Variants in LRBA observed in about 807,000 individuals in gnomAD.
LRBA encodes LPS responsive beige-like anchor protein.
A neutral mutation model predicts 330.0 loss-of-function variants in LRBA; 176 were observed. That is an observed-to-expected ratio of 0.53 (90% CI 0.47 to 0.60). The LOEUF (loss-of-function observed/expected upper bound fraction) is 0.60, where lower values mean the gene tolerates loss of function less well. LRBA is among the 20% of genes least tolerant of loss of function. The pLI, the probability that LRBA is intolerant of heterozygous loss-of-function variation, is 0.00. For missense variants in LRBA, 3,259 were observed against 3,444.8 expected (o/e 0.95, Z 1.35); for synonymous variants, 1,230 against 1,193.0 (o/e 1.03, Z -0.64).
At chr4:150,763,914 A>C (rs1460153092) in intron 34 of LRBA, among the ~76,000 whole-genome samples, 1 of 151,980 alleles carries the variant, frequency 6.6e-6, no homozygotes, top group Non-Finnish European at 1.5e-5. Context: ...AGTGATCAGC[A>C]AGAAGTACGA....
intron 2 of LRBA, among the ~76,000 whole-genome samples, chr4:150,985,309 A>G (rs1741323504): frequency 6.6e-6 from 1 of 151,600 alleles, no homozygotes; most frequent in East Asian, 1.9e-4. Flanking sequence ...ACAAAAGCTC[A>G]TGTTCCCTTC....
rs36089213 is a variant in LRBA at position 150,916,892 on chromosome 4, G to A, written c.646-154C>T. Among the ~76,000 whole-genome samples, 8,070 of 152,210 alleles carry A rather than the reference G, an allele frequency of 0.053. 308 individuals carry two copies. The highest frequency in any genetic ancestry group is 0.12 in the Middle Eastern group (35 of 294). ...TCTGAGGCCGGGCGCGGTGGCTCAC[G>A]CCTGTAATCCCAGCACTTTGGGAGG... is the stretch of plus-strand genomic sequence containing the variant. On this transcript the variant is annotated intron_variant, in intron 5 of 56. Transcript: ENST00000651943.
At chr4:150,488,520 C>T (rs1467014995) in intron 41 of LRBA, among the ~76,000 whole-genome samples, 1 of 151,498 alleles carries the variant, frequency 6.6e-6, no homozygotes, top group African/African-American at 2.4e-5. Context: ...CCAAGAAGTA[C>T]ATGTCAATAT....
chr4:150,496,584 A>G (rs983381559), intron 40 of LRBA, among the ~76,000 whole-genome samples: 1 of 152,068 alleles, frequency 6.6e-6, no homozygotes, highest in Admixed American at 6.5e-5. Flanking sequence ...ACCTCAAAAA[A>G]AAGAAATACT....
intron 42 of LRBA, among the ~76,000 whole-genome samples, chr4:150,482,487 C>T (rs939269011): frequency 1.3e-5 from 2 of 151,984 alleles, no homozygotes; most frequent in Admixed American, 6.6e-5. Flanking sequence ...AATATGGCTG[C>T]TATAAATATT....
chr4:150,738,998 T>G (rs543928331), intron 35 of LRBA, among the ~76,000 whole-genome samples: 1 of 152,268 alleles, frequency 6.6e-6, no homozygotes, highest in African/African-American at 2.4e-5. Context: ...TTAAGGCATA[T>G]GATGCTTGTA....
chr4:150,510,392 G>A (rs114043028), intron 40 of LRBA, among the ~76,000 whole-genome samples: 2,481 of 152,232 alleles, frequency 0.016, 74 homozygotes, highest in African/African-American at 0.055. Context: ...TTATCCAGAT[G>A]TCAAAACCAG....
At chr4:150,287,215 G>C (rs1344177522) in intron 53 of LRBA, among the ~76,000 whole-genome samples, 1 of 152,194 alleles carries the variant, frequency 6.6e-6, no homozygotes, top group Non-Finnish European at 1.5e-5. Context: ...CACCCACTCA[G>C]AGGAAGGAAG....
chr4:150,441,763 C>T (rs1392988456), intron 44 of LRBA, among the ~76,000 whole-genome samples: 1 of 149,784 alleles, frequency 6.7e-6, no homozygotes, highest in Non-Finnish European at 1.5e-5. Context: ...CTCAAAAGTC[C>T]TTCTCTGGGC....
intron 2 of LRBA, among the ~76,000 whole-genome samples, chr4:150,959,817 TATA>T (rs1167304414): frequency 6.9e-6 from 1 of 145,630 alleles, no homozygotes; most frequent in Non-Finnish European, 1.5e-5. Flanking sequence ...ATAAAAAGTA[TATA>T]AATATATAAA....
At chr4:150,931,358 G>A (rs547098749) in intron 2 of LRBA, among the ~76,000 whole-genome samples, 34 of 151,242 alleles carry the variant, frequency 2.2e-4, no homozygotes, top group African/African-American at 7.0e-4. Context: ...CTTGGCTGAC[G>A]GTGGTGGTTA....
chr4:150,847,883 GC>G (rs1750057749), intron 26 of LRBA, among the ~76,000 whole-genome samples: 1 of 152,178 alleles, frequency 6.6e-6, no homozygotes, highest in Admixed American at 6.5e-5. Flanking sequence ...AATTACCACA[GC>G]TTTTTTGAAT....
At chr4:150,330,950 T>C (rs1733921144) in intron 48 of LRBA, among the ~76,000 whole-genome samples, 1 of 152,138 alleles carries the variant, frequency 6.6e-6, no homozygotes. Context: ...GAGGGCTGAC[T>C]GAGGTTGCAG....
rs763617372 is a variant in LRBA at position 150,852,633 on chromosome 4, T to G, written c.3077A>C (p.Gln1026Pro). 6.2e-7 allele frequency: 1 copy of G among 1,613,988 alleles called. No homozygotes were observed. The highest frequency in any genetic ancestry group is 8.5e-7 in the Non-Finnish European group (1 of 1,179,978). The change falls in exon 23 of 57, where the codon CAG becomes CCG. Residue 1026 changes from glutamine to proline, a missense_variant. Gln to Pro is a moderately conservative substitution (Grantham distance 76, BLOSUM62 -1). Transcript: ENST00000651943. ...YEEMKAEQEN[Q>P]ELPDEGTLEE... ...CAAAGTGCCTTCATCTGGTAACTCC[T>G]GATTTTCTTGCTCAGCTTTCATTTC...
rs1267905286 is a variant in LRBA at position 150,991,048 on chromosome 4, G to T, written c.216+23379C>A. On this transcript the variant is annotated intron_variant, in intron 2 of 56. Coordinates refer to ENST00000651943, the MANE Select transcript of LRBA (RefSeq NM_001364905.1). ...AACCTGAGTGACAAAGTGAGACTCT[G>T]TCTCCAAAAAAAAAAAAAAAAAGAA... Among the ~76,000 whole-genome samples the T allele has an allele frequency of 2.2e-5, 3 of 134,842 alleles. No individual in the cohort carries two copies. The East Asian group carries it at 7.0e-4, about 31-fold the overall frequency. 88.5% of individuals were successfully genotyped at this position (134,842 alleles called of 152,430 possible).
At chr4:150,584,087 CCAAAAGCCTGGA>C in intron 40 of LRBA, 1 of 1,551,488 alleles carries the variant, frequency 6.4e-7, no homozygotes, top group Non-Finnish European at 8.7e-7. Context: ...CTCACCAATC[CCAAAAGCCTGGA>C]CAAACTATAG....
intron 2 of LRBA, among the ~76,000 whole-genome samples, chr4:151,009,751 C>A (rs1306032176): frequency 2.0e-5 from 3 of 151,944 alleles, no homozygotes; most frequent in Admixed American, 6.6e-5. Flanking sequence ...GAGGCCAGGG[C>A]GGGTGGATCA....
At chr4:150,999,358 T>G (rs906672348) in intron 2 of LRBA, among the ~76,000 whole-genome samples, 2 of 151,746 alleles carry the variant, frequency 1.3e-5, no homozygotes, top group Non-Finnish European at 2.9e-5. Flanking sequence ...AGATTCTTCC[T>G]CTCCCCCACA....
chr4:150,527,996 T>C (rs1219505067), intron 40 of LRBA, among the ~76,000 whole-genome samples: 1 of 152,188 alleles, frequency 6.6e-6, no homozygotes, highest in Non-Finnish European at 1.5e-5. Flanking sequence ...ATTAATTCCT[T>C]TCTTTTTAAA....
Sources: allele counts gnomAD v4.1 joint callset (sites outside exome capture counted in the v4.1 genomes callset), GRCh38; gene constraint gnomAD v4.1.1; transcripts MANE v1.5; gene names NCBI Gene and HGNC (gene_info 2026-07-23, HGNC 2026-07-21).